Variants in CASP5 observed in about 807,000 individuals in gnomAD.
CASP5 encodes the protein caspase-5.
In CASP5, 42 loss-of-function variants were observed where a neutral mutation model predicts 45.2. The observed-to-expected ratio is 0.93, with a 90% confidence interval of 0.73 to 1.20. The LOEUF (loss-of-function observed/expected upper bound fraction) is 1.20, where lower values mean the gene tolerates loss of function less well. Among genes scored for constraint, CASP5 ranks in the 50% most tolerant of loss-of-function variants. CASP5 has a pLI of 0.00. For synonymous variants in CASP5, 209 were observed against 186.2 expected, an observed-to-expected ratio of 1.12 and a Z score of -1.00; for missense variants, 512 against 532.2, an observed-to-expected ratio of 0.96 and a Z score of 0.37.
At chr11:105,013,614 T>C (rs1388883806) in intron 1 of CASP5, among the ~76,000 whole-genome samples, 2 of 152,080 alleles carry the variant, frequency 1.3e-5, no homozygotes, top group Non-Finnish European at 2.9e-5. Flanking sequence ...CTATAAATTC[T>C]CATAGCATCA....
intron 1 of CASP5, among the ~76,000 whole-genome samples, chr11:105,012,888 A>G (rs1331534626): frequency 3.3e-5 from 5 of 152,010 alleles, no homozygotes; most frequent in Non-Finnish European, 7.4e-5. Flanking sequence ...AAAATGAATT[A>G]AAAATGTTAA....
intron 8 of CASP5, among the ~76,000 whole-genome samples, chr11:104,996,935 C>G (rs1338454316): frequency 2.0e-5 from 3 of 152,032 alleles, no homozygotes; most frequent in East Asian, 1.9e-4. Context: ...CTACCACAAT[C>G]TGTAATTGCA....
At chr11:105,022,107 C>A (rs886225811) in intron 1 of CASP5, among the ~76,000 whole-genome samples, 1 of 146,402 alleles carries the variant, frequency 6.8e-6, no homozygotes, top group East Asian at 2.1e-4. Flanking sequence ...GGGAACTGAA[C>A]AATGAGAACA....
intron 9 of CASP5, 63 bp downstream of exon 9, chr11:104,995,677 T>G: frequency 2.8e-6 from 3 of 1,057,760 alleles, no homozygotes; most frequent in South Asian, 2.7e-5. Context: ...CATTGGTCAT[T>G]GAACTTCACC....
At chr11:104,997,333 T>C (rs1366153628) in intron 8 of CASP5, 50 bp downstream of exon 8, 1 of 1,302,314 alleles carries the variant, frequency 7.7e-7, no homozygotes, top group Non-Finnish European at 1.1e-6. Flanking sequence ...TAATGATAAA[T>C]TCTTTCTGAG....
intron 1 of CASP5, among the ~76,000 whole-genome samples, chr11:105,020,600 G>A (rs1394444114): frequency 6.7e-6 from 1 of 150,238 alleles, no homozygotes; most frequent in East Asian, 1.9e-4. Context: ...CAACTTACAA[G>A]GGATGTGAAG....
chr11:104,995,878 T>G, intron 8 of CASP5, 36 bp from the exon 9 acceptor site: 3 of 1,276,038 alleles, frequency 2.4e-6, no homozygotes, highest in Non-Finnish European at 3.4e-6. Context: ...TATGAGGGAT[T>G]TTGGGTTCTC....
At chr11:105,007,047 A>T (rs1250794364) in intron 3 of CASP5, 36 bp downstream of exon 3, 1 of 1,571,294 alleles carries the variant, frequency 6.4e-7, no homozygotes, top group Non-Finnish European at 8.7e-7. Flanking sequence ...TATTCTGGAA[A>T]ATTTAACATA....
Position 104,999,022 on chromosome 11 carries a change from T to C in CASP5, c.959A>G (p.His320Arg). 1 of 1,594,728 alleles carries C rather than the reference T, an allele frequency of 6.3e-7. No individual in the cohort carries two copies. The highest frequency in any genetic ancestry group is 8.5e-7 in the Non-Finnish European group (1 of 1,174,408). ...AGAGTCTCTGACCCAGAGTTCCCCA[T>C]GTTTTTCTGTAGAGACATCAACTTT... Reference protein sequence around the residue: ...IIVQACRGEKHGELWVRDSPA... With the variant: ...IIVQACRGEKRGELWVRDSPA... The change falls in exon 7 of 10, where the codon CAT (histidine) becomes CGT (arginine). Residue 320 changes from histidine (H) to arginine (R), a missense_variant. Transcript: ENST00000260315.
At chr11:105,006,990 C>G (rs2282658) in intron 3 of CASP5, 93 bp downstream of exon 3, 334,754 of 1,031,102 alleles carry the variant, frequency 0.32, 57,693 homozygotes, top group African/African-American at 0.58. Flanking sequence ...AGAAATGAAA[C>G]TGTAGGTAGA....
At chr11:105,020,248 A>G (rs1255493561) in intron 1 of CASP5, among the ~76,000 whole-genome samples, 1 of 151,168 alleles carries the variant, frequency 6.6e-6, no homozygotes, top group African/African-American at 2.4e-5. Context: ...AACTGGCACA[A>G]GACAGGGATG....
chr11:105,016,295 A>G (rs1392543417), intron 1 of CASP5, among the ~76,000 whole-genome samples: 1 of 152,104 alleles, frequency 6.6e-6, no homozygotes, highest in Non-Finnish European at 1.5e-5. Flanking sequence ...ATATGACTGC[A>G]GGGGGAGGCG....
intron 5 of CASP5, among the ~76,000 whole-genome samples, 164 bp from the exon 6 acceptor site, chr11:105,000,659 T>G (rs45440097): frequency 8.7e-5 from 13 of 148,906 alleles, no homozygotes; most frequent in African/African-American, 2.7e-4. Context: ...TTTTGTTTTG[T>G]TTTTTTTTTC....
At chr11:105,012,328 T>A (rs888220319) in intron 1 of CASP5, among the ~76,000 whole-genome samples, 1 of 151,764 alleles carries the variant, frequency 6.6e-6, no homozygotes, top group Non-Finnish European at 1.5e-5. Context: ...ACTTTGAAAC[T>A]ACTACACAAA....
At chr11:105,009,034 C>T (rs1232395260) in intron 1 of CASP5, 54 bp from the exon 2 acceptor site, 1 of 1,566,684 alleles carries the variant, frequency 6.4e-7, no homozygotes, top group Non-Finnish European at 8.7e-7. Flanking sequence ...AAGAGTTTTG[C>T]CCTTGCTTTA....
At chr11:105,006,880 A>G (rs1190036861) in intron 3 of CASP5, among the ~76,000 whole-genome samples, 1 of 152,224 alleles carries the variant, frequency 6.6e-6, no homozygotes, top group Non-Finnish European at 1.5e-5. Flanking sequence ...TCTAAACACA[A>G]GGACACAGCT....
At position 105,003,308 on chromosome 11, in the gene CASP5, T is replaced by C. The variant is rs143600313; in HGVS notation, c.509A>G (p.Glu170Gly). The change falls in exon 4 of 10, where the codon GAA becomes GGA. Residue 170 changes from glutamate to glycine, a missense_variant. Coordinates refer to ENST00000260315, the MANE Select transcript of CASP5 (RefSeq NM_004347.5). ...TNILKLCPRE[E>G]FLRLCKKNHD... ...ATTTTTTTTACACAGTCTCAGGAAT[T>C]CTTCACGAGGACAAAGTTTGAGTAT... The C allele has an allele frequency of 3.7e-6, 6 of 1,607,426 alleles. No individual in the cohort carries two copies. Among genetic ancestry groups the C allele is most frequent in the Non-Finnish European group, 5.1e-6 (6 of 1,176,810 alleles).
At chr11:105,011,462 A>C (rs1367457677) in intron 1 of CASP5, among the ~76,000 whole-genome samples, 1 of 151,798 alleles carries the variant, frequency 6.6e-6, no homozygotes, top group East Asian at 1.9e-4. Flanking sequence ...ATTAGACAAC[A>C]GAAAGAATTT....
Position 105,007,126 on chromosome 11 carries a change from G to C in CASP5, c.390C>G (p.Thr130=). Residue 130 remains threonine (T), a synonymous_variant, in exon 3 of 10, where the codon ACC becomes ACG. Transcript: ENST00000260315. The stretch of plus-strand genomic sequence containing the variant: ...TTTGGTCCATATTGAGAAGTGTTTG[G>C]GTAAACATTTGATGAGCCACGCGAT... The part of the protein sequence containing the change: ...RKNRVAHQMF[T]QTLLNMDQKI... The C allele has an allele frequency of 6.2e-7, 1 of 1,613,516 alleles. No homozygotes were observed. Among genetic ancestry groups the C allele is most frequent in the African/African-American group, 1.3e-5 (1 of 75,002 alleles).
Sources: allele counts gnomAD v4.1 joint callset (sites outside exome capture counted in the v4.1 genomes callset), GRCh38; gene constraint gnomAD v4.1.1; transcripts MANE v1.5; gene names NCBI Gene and HGNC (gene_info 2026-07-23, HGNC 2026-07-21).